Variants in ZAN observed in about 807,000 individuals in gnomAD.
The protein encoded by ZAN is zonadhesin (gene/pseudogene).
In ZAN, 260 loss-of-function variants were observed where a neutral mutation model predicts 286.2. The ratio of observed to expected loss-of-function variants is 0.91; its 90% CI spans 0.82 to 1.01. The LOEUF (loss-of-function observed/expected upper bound fraction) is 1.01, where lower values mean the gene tolerates loss of function less well. Among genes scored for constraint, ZAN ranks in the 50% least tolerant of loss-of-function variants. ZAN has a pLI of 0.00. For missense variants in ZAN, 3,410 were observed against 3,639.2 expected, an observed-to-expected ratio of 0.94 and a Z score of 1.62; for synonymous variants, 1,368 against 1,417.5, an observed-to-expected ratio of 0.97 and a Z score of 0.79.
At chr7:100,766,940 T>C (rs564799334) in intron 24 of ZAN, 70 bp from the exon 25 acceptor site, 1 of 1,590,210 alleles carries the variant, frequency 6.3e-7, no homozygotes, top group South Asian at 1.1e-5. Context: ...CTCTCCAGGA[T>C]GGCAGCTCTG....
At chr7:100,759,626 CTCAT>C in intron 17 of ZAN, 91 bp from the exon 18 acceptor site, 3 of 1,334,774 alleles carry the variant, frequency 2.2e-6, no homozygotes, top group East Asian at 3.0e-5. Flanking sequence ...CTCGGTGGCG[CTCAT>C]CTCTCCCTGC....
At chr7:100,760,266 T>C in intron 18 of ZAN, 125 bp from the exon 19 acceptor site, 1 of 1,302,736 alleles carries the variant, frequency 7.7e-7, no homozygotes, top group Non-Finnish European at 1.1e-6. Flanking sequence ...AGTCCACTCC[T>C]GGTGGATGAG....
Position 100,760,395 on chromosome 7 carries a change from G to A in ZAN, c.3701G>A (p.Gly1234Glu), listed in dbSNP as rs999679491. 1 of 1,613,684 alleles carries A rather than the reference G, an allele frequency of 6.2e-7. No homozygotes were observed. Among genetic ancestry groups the A allele is most frequent in the Non-Finnish European group, 8.5e-7 (1 of 1,179,724 alleles). ...TLLKGRRTLVGGQQVTLPAIP... is the reference protein window; with the variant it reads ...TLLKGRRTLVEGQQVTLPAIP... The stretch of plus-strand genomic sequence containing the variant: ...TGCCTCTGCCCTGCCTTCCAGGTTG[G>A]GGGTCAGCAAGTTACTCTCCCAGCC... Residue 1234 changes from glycine (G) to glutamate (E), a missense_variant, in exon 19 of 48, where the codon GGG becomes GAG. By Grantham distance (98) the Gly-to-Glu change is moderately conservative (BLOSUM62 -2). Transcript: ENST00000613979.
Position 100,758,694 on chromosome 7 carries a change from G to C in ZAN, c.3571+44G>C, listed in dbSNP as rs1562931271. 2.6e-6 allele frequency: 4 copies of C among 1,543,396 alleles called. No homozygotes were observed. The African/African-American group carries it at 5.5e-5, about 21-fold the overall frequency. ...ACTGCGGCCTGGGGGGAGGGTCTGT[G>C]GGCAGCGCTGCTAGGCATGGGGCAT... On this transcript the variant is annotated intron_variant, in intron 17 of 47. Coordinates refer to ENST00000613979, the MANE Select transcript of ZAN (RefSeq NM_003386.3).
In ZAN at chr7:100,789,331, T is replaced by A. The variant is rs1219445259; in HGVS notation, c.7341T>A (p.Gly2447=). Residue 2447 remains glycine, a synonymous_variant, in exon 39 of 48, where the codon GGT becomes GGA. Coordinates refer to ENST00000613979, the MANE Select transcript of ZAN (RefSeq NM_003386.3). ...ACTTTGAGCTGGTCGTCAGCTTTGG[T>A]GGAAGGAAAAATGCAGGTAATGGAG... ...VTDFELVVSF[G]GRKNAVISLP... is the part of the protein sequence containing the mutation. The A allele has an allele frequency of 6.2e-7, 1 of 1,612,742 alleles. No individual in the cohort carries two copies. Among genetic ancestry groups the A allele is most frequent in the African/African-American group, 1.3e-5 (1 of 74,772 alleles).
intron 31 of ZAN, among the ~76,000 whole-genome samples, chr7:100,774,218 G>A (rs182182071): frequency 2.0e-5 from 3 of 151,962 alleles, no homozygotes; most frequent in East Asian, 3.9e-4. Context: ...GCTAAACCCC[G>A]TCTCTACTAA....
chr7:100,783,942 C>T (rs1040446612), intron 35 of ZAN, among the ~76,000 whole-genome samples: 21 of 148,946 alleles, frequency 1.4e-4, no homozygotes, highest in Admixed American at 6.2e-4. Context: ...CATTTGTTCA[C>T]ACTATTTTTG....
intron 2 of ZAN, 62 bp from the exon 3 acceptor site, chr7:100,735,658 A>T: frequency 8.0e-7 from 1 of 1,248,920 alleles, no homozygotes. Flanking sequence ...ACAGTCACTG[A>T]ATCTTATAAT....
intron 15 of ZAN, among the ~76,000 whole-genome samples, chr7:100,757,701 G>A (rs1367340876): frequency 1.4e-5 from 2 of 147,802 alleles, no homozygotes; most frequent in East Asian, 2.0e-4. Context: ...GTTGCAGTGA[G>A]CCAAGATCAC....
chr7:100,792,380 C>T, intron 41 of ZAN, 25 bp from the exon 42 acceptor site: 2 of 1,583,988 alleles, frequency 1.3e-6, no homozygotes, highest in Non-Finnish European at 8.6e-7. Context: ...CTGACTGTGC[C>T]CTTCCTGCCC....
Position 100,794,130 on chromosome 7 carries a change from G to A in ZAN, c.7997G>A (p.Ser2666Asn). The change falls in exon 44 of 48, where the codon AGC (serine) becomes AAC (asparagine). Residue 2666 changes from serine to asparagine, a missense_variant. By Grantham distance (46) the Ser-to-Asn change is conservative. This residue lies in a region of ZAN where 1,289 missense variants were observed against 1,314.3 expected (regional missense o/e 0.98). Transcript: ENST00000613979. ...CCTTCCCCTTTCTAGCTGGGCAGCA[G>A]CTTTCTGACTGAGGACTGCTCTCAG... ...SNGIYYQLGS[S>N]FLTEDCSQRC... The A allele has an allele frequency of 6.2e-7, 1 of 1,614,036 alleles. No homozygotes were observed. The highest frequency in any genetic ancestry group is 1.3e-5 in the African/African-American group (1 of 75,066).
chr7:100,758,619 C>T lies in ZAN; in HGVS notation c.3540C>T (p.Tyr1180=), dbSNP rs1447501376. ...TTGGCTTCATGGGCAAGTGCACTTA[C>T]ATCTTGGCCCAGCCCTGTGGCAACT... ...RHFGFMGKCT[Y]ILAQPCGNST... The change falls in exon 17 of 48, where the codon TAC becomes TAT. Residue 1180 remains tyrosine (Y), a synonymous_variant. Coordinates refer to ENST00000613979, the MANE Select transcript of ZAN (RefSeq NM_003386.3). The T allele has an allele frequency of 6.4e-7, 1 of 1,559,440 alleles. No homozygotes were observed. The highest frequency in any genetic ancestry group is 2.4e-5 in the East Asian group (1 of 41,562).
rs1269477422 is a variant in ZAN at position 100,752,111 on chromosome 7, C to G, written c.2006C>G (p.Thr669Ser). ...EEPTTPTEETTTSMEEPVIPT... is the reference protein window; with the variant it reads ...EEPTTPTEETSTSMEEPVIPT... ...CCCACCACCCCCACTGAGGAGACCA[C>G]CACCTCCATGGAAGAGCCTGTCATC... Residue 669 changes from threonine (T) to serine (S), a missense_variant, in exon 14 of 48, where the codon ACC (threonine) becomes AGC (serine). By Grantham distance (58) the Thr-to-Ser change is moderately conservative. Around this residue, in one of 7 missense-constraint regions of ZAN, gnomAD observed 872 missense variants for 938.9 expected, o/e 0.93. Transcript: ENST00000613979. 1.2e-5 allele frequency: 20 copies of G among 1,611,898 alleles called. No homozygotes were observed. In the Admixed American group the frequency reaches 3.3e-4, roughly 27 times the overall value.
chr7:100,796,036 C>T (rs1437232911), intron 45 of ZAN, among the ~76,000 whole-genome samples: 6 of 151,930 alleles, frequency 3.9e-5, no homozygotes, highest in Admixed American at 1.3e-4. Flanking sequence ...GCTAAGATCA[C>T]GCTACTGCGC....
Position 100,737,232 on chromosome 7 carries a change from T to C in ZAN, c.526-30T>C. 10 of 1,440,736 alleles carry C rather than the reference T, an allele frequency of 6.9e-6. 3 individuals are homozygous for C. Among genetic ancestry groups the C allele is most frequent in the Non-Finnish European group, 9.5e-6 (10 of 1,055,300 alleles). 89.2% of individuals were successfully genotyped at this position (1,440,736 alleles called of 1,614,324 possible). On this transcript the variant is annotated intron_variant, in intron 5 of 47. Transcript: ENST00000613979. ...CCAGGAGGCCTGGCTGAGGGGCTCA[T>C]GGGGTTGGGGTCCCCTTATCCTCTT...
At chr7:100,770,803 C>T (rs1810321371) in intron 28 of ZAN, among the ~76,000 whole-genome samples, 1 of 150,990 alleles carries the variant, frequency 6.6e-6, no homozygotes, top group Non-Finnish European at 1.5e-5. Flanking sequence ...CACAGGCATG[C>T]ACCACCATGC....
chr7:100,790,165 G>A (rs530117237), intron 39 of ZAN, among the ~76,000 whole-genome samples: 127 of 152,244 alleles, frequency 8.3e-4, no homozygotes, highest in African/African-American at 3.0e-3. Flanking sequence ...TGGAAAGGCC[G>A]AGGAGAGAGG....
chr7:100,757,565 G>A (rs1809231433), intron 15 of ZAN, among the ~76,000 whole-genome samples: 2 of 151,712 alleles, frequency 1.3e-5, no homozygotes, highest in South Asian at 4.2e-4. Context: ...GACCAGCCTG[G>A]CCAACATGGA....
At chr7:100,773,979 C>T (rs1212006889) in intron 31 of ZAN, 114 bp downstream of exon 31, 1 of 1,412,894 alleles carries the variant, frequency 7.1e-7, no homozygotes, top group Non-Finnish European at 9.5e-7. Flanking sequence ...ACTGGTAACT[C>T]TGCTGCAACC....
Sources: gnomAD v4.1 joint callset for allele counts (sites outside exome capture counted in the v4.1 genomes callset) on GRCh38, gnomAD v4.1.1 for gene constraint, gnomAD v4.1.1 regional missense constraint, MANE v1.5 for transcripts, NCBI Gene and HGNC (gene_info 2026-07-23, HGNC 2026-07-21) for gene names.